Variants in LBH observed in about 807,000 individuals in gnomAD.
LBH encodes the protein LBH regulator of Wnt signaling pathway.
Under a neutral mutation model 12.5 loss-of-function variants are expected in LBH, and 7 were observed. The ratio of observed to expected loss-of-function variants is 0.56; its 90% CI spans 0.32 to 1.05. The LOEUF (loss-of-function observed/expected upper bound fraction) is 1.05, where lower values mean the gene tolerates loss of function less well. Among genes scored for constraint, LBH ranks in the 50% least tolerant of loss-of-function variants. LBH has a pLI of 0.04. For missense variants in LBH, 119 were observed against 138.9 expected, an observed-to-expected ratio of 0.86 and a Z score of 0.72; for synonymous variants, 51 against 50.1, an observed-to-expected ratio of 1.02 and a Z score of -0.08.
chr2:30,242,249 CTTTTTTTTTTTGGAGATAGAGT>C (rs1245302823), intron 2 of LBH, among the ~76,000 whole-genome samples: 15 of 147,198 alleles, frequency 1.0e-4, no homozygotes, highest in Non-Finnish European at 2.1e-4. Context: ...AGGTAATATT[CTTTTTTTTTTTGGAGATAGAGT>C]CTCACTCTGT....
chr2:30,240,980 A>C (rs1056464254), intron 2 of LBH, among the ~76,000 whole-genome samples: 15 of 152,258 alleles, frequency 9.9e-5, no homozygotes, highest in Non-Finnish European at 1.8e-4. Flanking sequence ...GTTGGTGTCT[A>C]AGCCTGACTT....
intron 2 of LBH, among the ~76,000 whole-genome samples, chr2:30,248,540 TG>T (rs1344097849): frequency 1.3e-5 from 2 of 152,150 alleles, no homozygotes; most frequent in Non-Finnish European, 2.9e-5. Context: ...GGTGTGACCA[TG>T]GGACATTGGG....
chr2:30,246,015 G>T (rs938877103), intron 2 of LBH, among the ~76,000 whole-genome samples: 28 of 149,864 alleles, frequency 1.9e-4, no homozygotes, highest in Non-Finnish European at 2.4e-4. Flanking sequence ...CCAGGATGCA[G>T]TGGTGCCATC....
At chr2:30,246,242 G>A (rs182215447) in intron 2 of LBH, among the ~76,000 whole-genome samples, 12 of 152,270 alleles carry the variant, frequency 7.9e-5, no homozygotes, top group African/African-American at 2.9e-4. Context: ...ATAGGCGTGA[G>A]CCACTGCACC....
At chr2:30,231,903 C>T in intron 1 of LBH, 139 bp downstream of exon 1, 1 of 621,174 alleles carries the variant, frequency 1.6e-6, no homozygotes. Context: ...CGAGCCCGTG[C>T]AGGAGTCAAC....
rs532846962 is a variant in LBH, at chr2:30,232,371, G to T, written c.26+607G>T. On this transcript the variant is annotated intron_variant, in intron 1 of 2. Transcript: ENST00000395323. ...ACCGACGCACATTGGTGGGGGCCGG[G>T]ACTGGGAGGAGCCGCCTTCGCCGTG... 71 of 987,614 alleles carry T rather than the reference G, an allele frequency of 7.2e-5. No homozygotes were observed. In the South Asian group the frequency reaches 1.4e-3, roughly 19 times the overall value. 61.2% of individuals were successfully genotyped at this position (987,614 alleles called of 1,614,324 possible). A position where few individuals can be genotyped will look rare whatever the true frequency, so the allele number is the denominator to read the frequency against.
Position 30,250,888 on chromosome 2 carries a change from G to A in LBH, c.130-6545G>A, listed in dbSNP as rs547003826. Among the ~76,000 whole-genome samples, 7 of 151,812 alleles carry A rather than the reference G, an allele frequency of 4.6e-5. No individual in the cohort carries two copies. The East Asian group carries it at 5.8e-4, about 13-fold the overall frequency. On this transcript the variant is annotated intron_variant, in intron 2 of 2. Transcript: ENST00000395323. ...GAACATCCTGCTGCCTTCATCGTCC[G>A]CATACTAAATCATCAATCCAACGAG...
Position 30,257,510 on chromosome 2 carries a change from A to G in LBH, c.207A>G (p.Thr69=). Residue 69 remains threonine (T), a synonymous_variant, in exon 3 of 3, where the codon ACA becomes ACG. Coordinates refer to ENST00000395323, the MANE Select transcript of LBH (RefSeq NM_030915.4). ...TGCCCTCCATAGTGGTGGAACCCAC[A>G]GAAGGGGAGGTGGAGAGCGGGGAGC... ...DRLPSIVVEP[T]EGEVESGELR... 6.2e-7 allele frequency: 1 copy of G among 1,614,244 alleles called. No individual in the cohort carries two copies. Among genetic ancestry groups the G allele is most frequent in the Non-Finnish European group, 8.5e-7 (1 of 1,180,032 alleles).
rs546418714 is a variant in LBH, at chr2:30,232,405, G to C, written c.26+641G>C. The C allele has an allele frequency of 9.2e-6, 7 of 760,040 alleles. No homozygotes were observed. In the South Asian group the frequency reaches 1.5e-4, roughly 16 times the overall value. The allele number at this position is 760,040 out of a possible 1,614,324, so 47.1% of individuals were successfully genotyped here. On this transcript the variant is annotated intron_variant, in intron 1 of 2. Coordinates refer to ENST00000395323, the MANE Select transcript of LBH (RefSeq NM_030915.4). ...GAGCCGCCTTCGCCGTGCTGAAGGGGAAGGAGCCCGGGCCGGGCGCGGGGC... is the reference window on the plus strand; with the variant it reads ...GAGCCGCCTTCGCCGTGCTGAAGGGCAAGGAGCCCGGGCCGGGCGCGGGGC...
rs1678114802 is a variant in LBH at position 30,257,874 on chromosome 2, A to C, written c.*253A>C. 1 of 329,138 alleles carries C rather than the reference A, an allele frequency of 3.0e-6. No individual in the cohort carries two copies. Among genetic ancestry groups the C allele is most frequent in the African/African-American group, 2.4e-5 (1 of 41,950 alleles). The allele number at this position is 329,138 out of a possible 1,614,324, so 20.4% of individuals were successfully genotyped here. On this transcript the variant is annotated 3_prime_UTR_variant, in exon 3 of 3. Transcript: ENST00000395323. ...CTGAGAAAGGAAGCTGCTTAGAGCCAGGGGGTTAGTGGGTGAGGGGAGCGA... is the reference window on the plus strand; with the variant it reads ...CTGAGAAAGGAAGCTGCTTAGAGCCCGGGGGTTAGTGGGTGAGGGGAGCGA...
chr2:30,232,362 G>C (rs1215755369), intron 1 of LBH: 2 of 1,080,958 alleles, frequency 1.9e-6, no homozygotes, highest in Admixed American at 6.5e-5. Flanking sequence ...GCACATTGGT[G>C]GGGGCCGGGA....
At chr2:30,252,523 G>A (rs1222230345) in intron 2 of LBH, among the ~76,000 whole-genome samples, 2 of 152,172 alleles carry the variant, frequency 1.3e-5, no homozygotes, top group African/African-American at 2.4e-5. Flanking sequence ...TTAGCCGGGC[G>A]TGGTGGCGGG....
intron 2 of LBH, 42 bp downstream of exon 2, chr2:30,234,549 T>C: frequency 6.9e-7 from 1 of 1,454,710 alleles, no homozygotes; most frequent in Non-Finnish European, 9.7e-7. Context: ...TAGAGCCTAG[T>C]GGTTTTTGCT....
At chr2:30,237,057 C>T (rs72787711) in intron 2 of LBH, among the ~76,000 whole-genome samples, 3,782 of 152,302 alleles carry the variant, frequency 0.025, 69 homozygotes, top group South Asian at 0.071. Flanking sequence ...TGGGGATTGG[C>T]TGGGACTGGC....
Position 30,231,548 on chromosome 2 carries a change from G to A in LBH, c.-191G>A, listed in dbSNP as rs956342644. The A allele has an allele frequency of 2.9e-5, 18 of 616,950 alleles. No individual in the cohort carries two copies. The Admixed American group carries it at 5.3e-4, about 18-fold the overall frequency. 38.2% of individuals were successfully genotyped at this position (616,950 alleles called of 1,614,324 possible). A position where few individuals can be genotyped will look rare whatever the true frequency, so the allele number is the denominator to read the frequency against. On this transcript the variant is annotated 5_prime_UTR_variant, in exon 1 of 3. Transcript: ENST00000395323. ...CTCTTTGTGGGGCTGAGTGCTCAGTGGAGAGCGGGGAGTTGTGTCCACCTT... is the reference window on the plus strand; with the variant it reads ...CTCTTTGTGGGGCTGAGTGCTCAGTAGAGAGCGGGGAGTTGTGTCCACCTT...
chr2:30,246,768 C>CTCTT (rs70962267), intron 2 of LBH, among the ~76,000 whole-genome samples: 56,633 of 147,646 alleles, frequency 0.38, 12,439 homozygotes, highest in Admixed American at 0.55. Flanking sequence ...TTCCTTCTTT[C>CTCTT]TCTTTCTTTC....
chr2:30,242,780 G>A (rs1026615189), intron 2 of LBH, among the ~76,000 whole-genome samples: 1 of 152,086 alleles, frequency 6.6e-6, no homozygotes, highest in Non-Finnish European at 1.5e-5. Context: ...ATTCTATTAT[G>A]TAACATTTCT....
At chr2:30,256,171 T>C (rs1678080211) in intron 2 of LBH, among the ~76,000 whole-genome samples, 1 of 152,180 alleles carries the variant, frequency 6.6e-6, no homozygotes, top group Non-Finnish European at 1.5e-5. Context: ...CACAGGGCAG[T>C]GTATGCAAAG....
At chr2:30,250,263 C>T (rs1473567680) in intron 2 of LBH, among the ~76,000 whole-genome samples, 3 of 152,042 alleles carry the variant, frequency 2.0e-5, no homozygotes, top group East Asian at 1.9e-4. Context: ...ATCTCAGGCT[C>T]GCTCCCCTCC....
Sources: gnomAD v4.1 joint callset for allele counts (sites outside exome capture counted in the v4.1 genomes callset) on GRCh38, gnomAD v4.1.1 for gene constraint, MANE v1.5 for transcripts, NCBI Gene and HGNC (gene_info 2026-07-23, HGNC 2026-07-21) for gene names.